NPSR1: variants seen among roughly 807,000 people sequenced by gnomAD.
The protein encoded by NPSR1 is neuropeptide S receptor 1.
Under a neutral mutation model 46.9 loss-of-function variants are expected in NPSR1, and 48 were observed. That is an observed-to-expected ratio of 1.02 (90% CI 0.81 to 1.30). The LOEUF (loss-of-function observed/expected upper bound fraction) is 1.30. NPSR1 is among the 50% of genes most tolerant of loss of function. NPSR1 has a pLI of 0.00. For missense variants in NPSR1, 450 were observed against 449.5 expected (o/e 1.00, Z -0.01); for synonymous variants, 176 against 168.1 (o/e 1.05, Z -0.36).
intron 8 of NPSR1, among the ~76,000 whole-genome samples, chr7:34,872,246 GA>G (rs1453481534): frequency 1.3e-5 from 2 of 151,982 alleles, no homozygotes; most frequent in African/African-American, 4.9e-5. Flanking sequence ...AGTCATGCCT[GA>G]AGCCAGAGTG....
At chr7:34,729,535 G>GA (rs1177266977) in intron 2 of NPSR1, among the ~76,000 whole-genome samples, 2 of 151,782 alleles carry the variant, frequency 1.3e-5, no homozygotes, top group Admixed American at 1.3e-4. Flanking sequence ...AGATATAACT[G>GA]AAAAAATGAA....
chr7:34,818,669 T>C (rs886091773), intron 4 of NPSR1, among the ~76,000 whole-genome samples: 1 of 152,168 alleles, frequency 6.6e-6, no homozygotes. Flanking sequence ...CTTCAAACTG[T>C]AGTACAAGGC....
intron 8 of NPSR1, among the ~76,000 whole-genome samples, chr7:34,859,195 C>T (rs1210671914): frequency 2.6e-5 from 4 of 151,732 alleles, no homozygotes; most frequent in Admixed American, 6.6e-5. Context: ...ATAGCAGGAA[C>T]ATTGATGCCA....
At chr7:34,679,619 G>A (rs1004937220) in intron 1 of NPSR1, among the ~76,000 whole-genome samples, 2 of 151,760 alleles carry the variant, frequency 1.3e-5, no homozygotes, top group Non-Finnish European at 2.9e-5. Flanking sequence ...TGTTATTCTG[G>A]GCCTGCTAGT....
intron 1 of NPSR1, among the ~76,000 whole-genome samples, chr7:34,669,578 AAAAG>A (rs984223212): frequency 6.6e-6 from 1 of 151,984 alleles, no homozygotes; most frequent in Non-Finnish European, 1.5e-5. Context: ...CAAAAAAAAA[AAAAG>A]AAAGAAAGAA....
chr7:34,750,125 T>C (rs1263249714), intron 2 of NPSR1: 8 of 272,892 alleles, frequency 2.9e-5, no homozygotes, highest in Non-Finnish European at 4.7e-5. Flanking sequence ...AGATCGTGTA[T>C]GTATTTTTTT....
intron 2 of NPSR1, among the ~76,000 whole-genome samples, chr7:34,727,744 T>G (rs901838705): frequency 1.3e-5 from 2 of 152,202 alleles, no homozygotes; most frequent in African/African-American, 4.8e-5. Context: ...TTTTTATTTG[T>G]ATAAAGCCTT....
At chr7:34,682,074 G>T (rs1296789505) in intron 1 of NPSR1, among the ~76,000 whole-genome samples, 1 of 152,218 alleles carries the variant, frequency 6.6e-6, no homozygotes, top group Admixed American at 6.5e-5. Context: ...ACTTTCCAAA[G>T]GCCTCTGCCA....
intron 6 of NPSR1, 123 bp downstream of exon 6, chr7:34,834,583 C>G: frequency 1.4e-6 from 1 of 734,142 alleles, no homozygotes; most frequent in Non-Finnish European, 2.4e-6. Context: ...CAGGACCCAG[C>G]CGGCAGACCA....
At chr7:34,843,087 A>G (rs892135889) in intron 6 of NPSR1, among the ~76,000 whole-genome samples, 2 of 152,116 alleles carry the variant, frequency 1.3e-5, no homozygotes, top group Non-Finnish European at 2.9e-5. Flanking sequence ...TGCTCTCTGC[A>G]TCTCCCACAC....
At chr7:34,661,527 C>G (rs986388246) in intron 1 of NPSR1, among the ~76,000 whole-genome samples, 2 of 152,178 alleles carry the variant, frequency 1.3e-5, no homozygotes, top group African/African-American at 2.4e-5. Context: ...CAAAGCACCC[C>G]GTCTAGATCT....
At chr7:34,755,712 T>A (rs767349650) in intron 2 of NPSR1, among the ~76,000 whole-genome samples, 4 of 152,118 alleles carry the variant, frequency 2.6e-5, no homozygotes, top group Non-Finnish European at 5.9e-5. Flanking sequence ...TTTTTTTAAA[T>A]GTCCTAAAAA....
At chr7:34,812,854 G>A (rs966387057) in intron 4 of NPSR1, among the ~76,000 whole-genome samples, 8 of 152,180 alleles carry the variant, frequency 5.3e-5, no homozygotes, top group Admixed American at 3.3e-4. Context: ...AATCCAAACT[G>A]TAGAAAACAG....
intron 2 of NPSR1, among the ~76,000 whole-genome samples, chr7:34,776,382 G>A (rs1358965949): frequency 1.3e-5 from 2 of 152,126 alleles, no homozygotes; most frequent in Non-Finnish European, 1.5e-5. Context: ...GGGTGTTCCA[G>A]TGTTGGGTGC....
intron 3 of NPSR1, among the ~76,000 whole-genome samples, chr7:34,784,114 T>C (rs944875072): frequency 9.8e-5 from 15 of 152,298 alleles, no homozygotes; most frequent in African/African-American, 3.6e-4. Context: ...AGATATACAA[T>C]CATGTCATCT....
chr7:34,834,395 G>T lies in NPSR1; in HGVS notation c.692G>T (p.Gly231Val). The T allele has an allele frequency of 1.2e-6, 2 of 1,613,172 alleles. No individual in the cohort carries two copies. The highest frequency in any genetic ancestry group is 1.7e-6 in the Non-Finnish European group (2 of 1,179,142). ...GGTTCTTTCTGCAGCATCATGTATG[G>T]CATTGTGATCCGAACTATTTGGATT... ...IPLTIISIMY[G>V]IVIRTIWIKS... Residue 231 changes from glycine (G) to valine (V), a missense_variant, in exon 6 of 9, where the codon GGC (glycine) becomes GTC (valine). By Grantham distance (109) the Gly-to-Val change is moderately radical. Coordinates refer to ENST00000360581, the MANE Select transcript of NPSR1 (RefSeq NM_207172.2).
intron 2 of NPSR1, among the ~76,000 whole-genome samples, chr7:34,762,587 T>C (rs965995297): frequency 6.6e-6 from 1 of 152,130 alleles, no homozygotes; most frequent in Non-Finnish European, 1.5e-5. Flanking sequence ...ATATCAAAAA[T>C]AGTTTTTTGT....
At chr7:34,751,176 A>C in intron 2 of NPSR1, 2 of 1,093,244 alleles carry the variant, frequency 1.8e-6, no homozygotes, top group South Asian at 2.5e-5. Context: ...ATAGATGAGG[A>C]GTCCAGGGGT....
intron 8 of NPSR1, among the ~76,000 whole-genome samples, chr7:34,859,904 G>A (rs768428330): frequency 1.3e-5 from 2 of 151,650 alleles, no homozygotes; most frequent in Non-Finnish European, 2.9e-5. Context: ...GTTCCTCATG[G>A]CCAGGAACTG....
Sources: allele counts gnomAD v4.1 joint callset (sites outside exome capture counted in the v4.1 genomes callset), GRCh38; gene constraint gnomAD v4.1.1; transcripts MANE v1.5; gene names NCBI Gene and HGNC (gene_info 2026-07-23, HGNC 2026-07-21).